The following GNL3L variants were observed in gnomAD, a reference collection of about 807,000 sequenced individuals.
GNL3L encodes the protein guanine nucleotide-binding protein-like 3-like protein.
A neutral mutation model predicts 42.9 loss-of-function variants in GNL3L; 4 were observed. The observed-to-expected ratio is 0.09, with a 90% CI of 0.05 to 0.21. The LOEUF is 0.21. Ranked by LOEUF, GNL3L falls within the 10% of genes least tolerant of loss-of-function variation. The pLI is 1.00. For missense variants in GNL3L, 412 were observed against 481.7 expected (o/e 0.86, Z 1.36); for synonymous variants, 159 against 176.3 (o/e 0.90, Z 0.78).
rs373968327 is a variant in GNL3L at position 54,554,575 on chromosome X, C to T, written c.1329C>T (p.Thr443=). The T allele has an allele frequency of 7.5e-6, 9 of 1,205,632 alleles. No individual in the cohort carries two copies. In the Admixed American group the frequency reaches 8.8e-5, roughly 12 times the overall value. The stretch of plus-strand genomic sequence containing the variant: ...TTGGTTGTGTTAAAGGCTTGGCCAC[C>T]GGAGAATCTGATGAGCTGTTGGGTG... ...ANEDTMECLA[T]GESDELLGDT... Residue 443 remains threonine (T), a synonymous_variant, in exon 14 of 16, where the codon ACC becomes ACT. Coordinates refer to ENST00000360845, the MANE Select transcript of GNL3L (RefSeq NM_001184819.2).
intron 14 of GNL3L, among the ~76,000 whole-genome samples, chrX:54,555,812 C>G (rs1437025019): frequency 1.8e-5 from 2 of 108,265 alleles, no homozygotes; most frequent in Non-Finnish European, 3.8e-5. Flanking sequence ...CCCAGTCTGA[C>G]CATGTCACCT....
intron 16 of GNL3L, among the ~76,000 whole-genome samples, chrX:54,589,205 T>A (rs994669813): frequency 1.8e-5 from 2 of 111,679 alleles, no homozygotes; most frequent in African/African-American, 6.5e-5. Flanking sequence ...ATTAAGTTAT[T>A]ATTGACTATA....
intron 16 of GNL3L, among the ~76,000 whole-genome samples, chrX:54,607,068 CTTTCTCTTTCTTTCTTCTTTCT>C (rs1569542623): frequency 4.7e-4 from 17 of 36,053 alleles, no homozygotes; most frequent in African/African-American, 8.8e-4. Flanking sequence ...TTCTTTCTTT[CTTTCTCTTTCTTTCTTCTTTCT>C]TTCTTTCTTT....
rs185064497 is a variant in GNL3L, at chrX:54,549,361, A to G, written c.775+988A>G. On this transcript the variant is annotated intron_variant, in intron 9 of 15. Transcript: ENST00000360845. ...AATGCATGTAGACCAAGCCCTTCCC[A>G]CACACACCCACCCCAACGCTGCTCC... 6.7e-3 allele frequency among the ~76,000 whole-genome samples: 749 copies of G among 111,166 alleles called. 5 individuals carry two copies. The highest frequency in any genetic ancestry group is 0.023 in the African/African-American group (709 of 30,562).
intron 16 of GNL3L, among the ~76,000 whole-genome samples, chrX:54,591,911 T>C (rs1191827299): frequency 8.9e-6 from 1 of 112,020 alleles, no homozygotes; most frequent in East Asian, 2.8e-4. Flanking sequence ...TAGGGTTATA[T>C]GGACATTTTA....
At chrX:54,633,756 GC>G in the GNL3L span, among the ~76,000 whole-genome samples, 1 of 112,205 alleles carries the variant, frequency 8.9e-6, no homozygotes, top group African/African-American at 3.2e-5. Context: ...GTCCCGCCAT[GC>G]TCCTCCAACA....
intron 16 of GNL3L, among the ~76,000 whole-genome samples, chrX:54,599,705 T>C (rs1335196507): frequency 9.0e-6 from 1 of 111,188 alleles, no homozygotes; most frequent in Non-Finnish European, 1.9e-5. Context: ...TTATTGTCTC[T>C]TGCTATAGTT....
At chrX:54,535,528 A>G (rs1601975460) in intron 2 of GNL3L, among the ~76,000 whole-genome samples, 1 of 112,000 alleles carries the variant, frequency 8.9e-6, no homozygotes, top group African/African-American at 3.2e-5. Flanking sequence ...TAATTAAGTT[A>G]TGTTGGTAAT....
At chrX:54,590,602 T>A (rs1021085513) in intron 16 of GNL3L, among the ~76,000 whole-genome samples, 3 of 111,302 alleles carry the variant, frequency 2.7e-5, no homozygotes, top group African/African-American at 9.8e-5. Flanking sequence ...ATCATTTCCC[T>A]TGCTGTACAG....
At chrX:54,558,767 C>G in intron 15 of GNL3L, 112 bp downstream of exon 15, 1 of 512,664 alleles carries the variant, frequency 2.0e-6, no homozygotes, top group Non-Finnish European at 3.3e-6. Context: ...AGCGATTCTC[C>G]TGCCTCAGCT....
At position 54,530,283 on chromosome X, in the gene GNL3L, C is replaced by T. The variant is rs899648234; in HGVS notation, c.-184C>T. ...CCGAGTTGTCGTGTTGCCCTCGCTT[C>T]TCAGATCCCCGCCGGAAGTGTAAGT... On this transcript the variant is annotated 5_prime_UTR_variant, in exon 1 of 16. Transcript: ENST00000360845. The T allele has an allele frequency of 4.6e-5, 5 of 108,702 alleles. No individual in the cohort carries two copies. The highest frequency in any genetic ancestry group is 1.3e-4 in the African/African-American group (4 of 30,193). 9.0% of individuals were successfully genotyped at this position (108,702 alleles called of 1,213,427 possible).
At chrX:54,608,555 C>A (rs1926127644) in intron 16 of GNL3L, among the ~76,000 whole-genome samples, 1 of 109,288 alleles carries the variant, frequency 9.2e-6, no homozygotes, top group South Asian at 4.1e-4. Flanking sequence ...ATTCTTATGC[C>A]TTTGCATCCT....
At chrX:54,610,497 T>C (rs759487255) in intron 16 of GNL3L, among the ~76,000 whole-genome samples, 32 of 111,683 alleles carry the variant, frequency 2.9e-4, no homozygotes, top group Middle Eastern at 4.6e-3. Context: ...TTGTCATAGA[T>C]GGCTTTTATT....
chrX:54,573,748 G>T (rs1037639429), intron 16 of GNL3L, among the ~76,000 whole-genome samples: 6 of 110,800 alleles, frequency 5.4e-5, no homozygotes, highest in Non-Finnish European at 9.4e-5. Flanking sequence ...TGAACATACG[G>T]AATATAGATA....
intron 16 of GNL3L, among the ~76,000 whole-genome samples, chrX:54,587,960 G>C (rs939175500): frequency 8.9e-6 from 1 of 111,986 alleles, no homozygotes; most frequent in Non-Finnish European, 1.9e-5. Flanking sequence ...GATTACAGGC[G>C]TGAGCCACTG....
chrX:54,547,985 C>T lies in GNL3L; in HGVS notation c.631-244C>T, dbSNP rs913317085. ...GCCTATTTAGAGCCAGGATGCCATC[C>T]TGCCACTGCCGAGGGAGGCAAGTGA... On this transcript the variant is annotated intron_variant, in intron 8 of 15. Coordinates refer to ENST00000360845, the MANE Select transcript of GNL3L (RefSeq NM_001184819.2). Among the ~76,000 whole-genome samples, 3 of 111,813 alleles carry T rather than the reference C, an allele frequency of 2.7e-5. No individual in the cohort carries two copies. The East Asian group carries it at 8.5e-4, about 32-fold the overall frequency.
At chrX:54,619,224 G>A (rs1168374820) in intron 16 of GNL3L, among the ~76,000 whole-genome samples, 2 of 110,297 alleles carry the variant, frequency 1.8e-5, no homozygotes, top group African/African-American at 3.3e-5. Flanking sequence ...GGAAATAATC[G>A]AAATATCAAC....
chrX:54,547,177 A>G (rs1279042264), intron 8 of GNL3L, among the ~76,000 whole-genome samples: 8 of 106,719 alleles, frequency 7.5e-5, no homozygotes, highest in Non-Finnish European at 1.3e-4. Flanking sequence ...TTGTATTTTT[A>G]GTAGAGACGT....
At chrX:54,625,957 G>C (rs1035604898), downstream of GNL3L, among the ~76,000 whole-genome samples, 7 of 111,161 alleles carry the variant, frequency 6.3e-5, no homozygotes, top group Middle Eastern at 4.8e-3. Context: ...CGGATATTAT[G>C]ATACATGTAT....
Sources: gnomAD v4.1 joint callset for allele counts (sites outside exome capture counted in the v4.1 genomes callset) on GRCh38, gnomAD v4.1.1 for gene constraint, MANE v1.5 for transcripts, NCBI Gene and HGNC (gene_info 2026-07-23, HGNC 2026-07-21) for gene names.